Variants in ARHGEF4 observed in about 807,000 individuals in gnomAD.
ARHGEF4 encodes the protein Rho guanine nucleotide exchange factor 4.
ARHGEF4 carries 119 observed loss-of-function variants against 162.0 expected under a neutral mutation model. The observed-to-expected ratio is 0.73, with a 90% CI of 0.63 to 0.86. The LOEUF (loss-of-function observed/expected upper bound fraction) is 0.86. Among genes scored for constraint, ARHGEF4 ranks in the 40% least tolerant of loss-of-function variants. ARHGEF4 has a pLI of 0.00. For missense variants in ARHGEF4, 2,488 were observed against 2,456.0 expected, an observed-to-expected ratio of 1.01 and a Z score of -0.28; for synonymous variants, 1,014 against 979.9, an observed-to-expected ratio of 1.03 and a Z score of -0.65.
intron 1 of ARHGEF4, among the ~76,000 whole-genome samples, chr2:130,910,079 T>A (rs1298337233): frequency 6.6e-6 from 1 of 151,964 alleles, no homozygotes; most frequent in Non-Finnish European, 1.5e-5. Flanking sequence ...AGGGGAGGGA[T>A]AGCATTAGGA....
Position 131,043,508 on chromosome 2 carries a change from A to C in ARHGEF4, c.5082A>C (p.Arg1694=), listed in dbSNP as rs768822170. 6.2e-7 allele frequency: 1 copy of C among 1,613,962 alleles called. No homozygotes were observed. The highest frequency in any genetic ancestry group is 2.2e-5 in the East Asian group (1 of 44,886). Residue 1694 remains arginine (R), a synonymous_variant, in exon 11 of 14, where the codon CGA becomes CGC. Transcript: ENST00000409359. ...TCATCTACTCGGGGGAGCTGACTCGAGTTACACAGCCTCAAGCCAAAAGCC... is the reference window on the plus strand; with the variant it reads ...TCATCTACTCGGGGGAGCTGACTCGCGTTACACAGCCTCAAGCCAAAAGCC... ...SELIYSGELT[R]VTQPQAKSQQ...
intron 4 of ARHGEF4, among the ~76,000 whole-genome samples, chr2:130,987,734 C>T (rs1344756024): frequency 9.2e-5 from 14 of 152,198 alleles, no homozygotes; most frequent in Admixed American, 9.2e-4. Flanking sequence ...TGCAGACCCC[C>T]AGCAGTGAGC....
intron 2 of ARHGEF4, among the ~76,000 whole-genome samples, chr2:130,926,425 G>A (rs900116137): frequency 6.6e-6 from 1 of 152,060 alleles, no homozygotes; most frequent in Admixed American, 6.6e-5. Context: ...TTTTATTCAA[G>A]TTGAGATTTT....
In ARHGEF4 at chr2:130,915,322, A is replaced by G; in HGVS notation, c.1376A>G (p.Glu459Gly). ...GCAGAGGAAGTGCCTGAGCCCGCTG[A>G]GTGCAAGTCAGAGCAAAGCCCAGAA... ...LSAEEVPEPA[E>G]CKSEQSPESR... The change falls in exon 2 of 14, where the codon GAG becomes GGG. Residue 459 changes from glutamate to glycine, a missense_variant. Physicochemically the swap from Glu to Gly is moderately conservative, Grantham distance 98. This residue lies in a region of ARHGEF4 where 1,642 missense variants were observed against 1,481.5 expected (regional missense o/e 1.11). Transcript: ENST00000409359. 6.4e-7 allele frequency: 1 copy of G among 1,550,714 alleles called. No homozygotes were observed. Among genetic ancestry groups the G allele is most frequent in the South Asian group, 1.2e-5 (1 of 84,058 alleles).
intron 1 of ARHGEF4, among the ~76,000 whole-genome samples, chr2:130,864,078 C>T (rs1411504730): frequency 4.6e-5 from 7 of 150,828 alleles, no homozygotes; most frequent in Admixed American, 6.6e-5. Context: ...CCCAGCTACT[C>T]GGGAGGCCGA....
chr2:130,963,743 G>A (rs1486656372), intron 4 of ARHGEF4: 1 of 146,978 alleles, frequency 6.8e-6, no homozygotes, highest in Non-Finnish European at 1.5e-5. Context: ...GCGGCCGGTA[G>A]TGGGCAGCGA....
At chr2:131,024,141 T>G (rs1689319576) in intron 4 of ARHGEF4, among the ~76,000 whole-genome samples, 1 of 152,264 alleles carries the variant, frequency 6.6e-6, no homozygotes, top group South Asian at 2.1e-4. Flanking sequence ...GAGATCATAC[T>G]GGACTTATGA....
chr2:131,042,460 C>T (rs1690889471), intron 10 of ARHGEF4, among the ~76,000 whole-genome samples: 1 of 152,176 alleles, frequency 6.6e-6, no homozygotes, highest in African/African-American at 2.4e-5. Context: ...CACCCACCCC[C>T]ACTTGCATCT....
At chr2:130,926,307 A>G (rs1682285513) in intron 2 of ARHGEF4, among the ~76,000 whole-genome samples, 1 of 151,322 alleles carries the variant, frequency 6.6e-6, no homozygotes, top group African/African-American at 2.4e-5. Context: ...TTGTTTCATG[A>G]GTATTTGTAT....
Position 131,019,697 on chromosome 2 carries a change from G to C in ARHGEF4, c.3986-8248G>C, listed in dbSNP as rs544939480. 4.1e-4 allele frequency among the ~76,000 whole-genome samples: 62 copies of C among 152,004 alleles called. 1 individual carries two copies. The East Asian group carries it at 0.011, about 28-fold the overall frequency. ...CGCCCAGGCTGGAGTGCAGTGGCGC[G>C]ATCTCGGCTCACTGCAAGCTCCGCC... is the stretch of plus-strand genomic sequence containing the variant. On this transcript the variant is annotated intron_variant, in intron 4 of 13. Transcript: ENST00000409359.
intron 1 of ARHGEF4, among the ~76,000 whole-genome samples, chr2:130,875,799 C>A (rs1055924594): frequency 6.6e-6 from 1 of 152,170 alleles, no homozygotes; most frequent in African/African-American, 2.4e-5. Context: ...CTCTCCCTCC[C>A]GGCTCCCACA....
chr2:130,991,488 C>T (rs989722596), intron 4 of ARHGEF4, among the ~76,000 whole-genome samples: 5 of 152,210 alleles, frequency 3.3e-5, no homozygotes, highest in Non-Finnish European at 5.9e-5. Flanking sequence ...GCGGCGCTTG[C>T]GGGCCAGCTG....
At chr2:130,937,239 T>C (rs1179823617) in intron 3 of ARHGEF4, among the ~76,000 whole-genome samples, 1 of 152,020 alleles carries the variant, frequency 6.6e-6, no homozygotes, top group East Asian at 1.9e-4. Context: ...GATTCCATTA[T>C]AGGTATGTTG....
At chr2:131,039,166 G>T in intron 6 of ARHGEF4, 134 bp downstream of exon 6, 1 of 1,274,340 alleles carries the variant, frequency 7.8e-7, no homozygotes, top group Non-Finnish European at 1.0e-6. Flanking sequence ...GGGGCGCAGT[G>T]TCACAGCCTT....
chr2:131,002,359 C>T (rs1285113260), intron 4 of ARHGEF4, among the ~76,000 whole-genome samples: 2 of 151,976 alleles, frequency 1.3e-5, no homozygotes, highest in African/African-American at 2.4e-5. Flanking sequence ...AGGCAGATCA[C>T]GAGGTCAGGA....
In ARHGEF4 at chr2:130,887,323, C is replaced by G. The variant is rs1679583231; in HGVS notation, c.40-26663C>G. Among the ~76,000 whole-genome samples, 3 of 151,054 alleles carry G rather than the reference C, an allele frequency of 2.0e-5. No homozygotes were observed. In the South Asian group the frequency reaches 6.3e-4, roughly 32 times the overall value. On this transcript the variant is annotated intron_variant, in intron 1 of 13. Coordinates refer to ENST00000409359, the MANE Select transcript of ARHGEF4 (RefSeq NM_001367493.1). ...TCCAGCCTGGGTGATAGAACAAGAC[C>G]CTGTCTCCAAAAAAAAAACAAAAAG... is the stretch of plus-strand genomic sequence containing the variant.
intron 4 of ARHGEF4, among the ~76,000 whole-genome samples, chr2:130,996,389 C>T (rs1687394632): frequency 6.6e-6 from 1 of 152,178 alleles, no homozygotes; most frequent in Admixed American, 6.5e-5. Flanking sequence ...TAACTGTTCT[C>T]CACTAGTGAA....
intron 4 of ARHGEF4, among the ~76,000 whole-genome samples, chr2:130,993,209 TCA>T (rs1296822589): frequency 6.6e-6 from 1 of 152,350 alleles, no homozygotes; most frequent in Non-Finnish European, 1.5e-5. Flanking sequence ...TAATTATCAT[TCA>T]GTTTGAATAT....
At chr2:131,034,874 CCCGCCG>C in intron 5 of ARHGEF4, 6 of 635,174 alleles carry the variant, frequency 9.4e-6, no homozygotes, top group South Asian at 6.5e-5. Flanking sequence ...GCCTCTCCAG[CCCGCCG>C]CCGCCGCCGC....
Sources: gnomAD v4.1 joint callset for allele counts (sites outside exome capture counted in the v4.1 genomes callset) on GRCh38, gnomAD v4.1.1 for gene constraint, gnomAD v4.1.1 regional missense constraint, MANE v1.5 for transcripts, NCBI Gene and HGNC (gene_info 2026-07-23, HGNC 2026-07-21) for gene names.